Variants in PSMG2 observed in about 807,000 individuals in gnomAD.
PSMG2 encodes CD40 ligand-activated specific transcript 3.
A neutral mutation model predicts 31.5 loss-of-function variants in PSMG2; 21 were observed. That is an observed-to-expected ratio of 0.67 (90% CI 0.47 to 0.96). PSMG2 has a LOEUF of 0.96. Ranked by LOEUF, PSMG2 falls within the 40% of genes least tolerant of loss-of-function variation. PSMG2 has a pLI of 0.00. For missense variants in PSMG2, 318 were observed against 321.2 expected (o/e 0.99, Z 0.08); for synonymous variants, 120 against 110.4 (o/e 1.09, Z -0.54).
At chr18:12,686,529 G>T in intron 1 of PSMG2, 2 of 1,058,676 alleles carry the variant, frequency 1.9e-6, no homozygotes, top group Non-Finnish European at 1.4e-6. Flanking sequence ...ATTAATGTAG[G>T]ATAAAATAAT....
intron 1 of PSMG2, chr18:12,691,304 C>T (rs1472477258): frequency 3.6e-6 from 4 of 1,113,434 alleles, no homozygotes; most frequent in African/African-American, 1.6e-5. Flanking sequence ...AATTTACACA[C>T]ATAACAGTAA....
chr18:12,699,486 G>C (rs959915199), upstream of PSMG2, among the ~76,000 whole-genome samples: 2 of 152,100 alleles, frequency 1.3e-5, no homozygotes, highest in Admixed American at 6.6e-5. Context: ...CTTTTTAACT[G>C]CTTATCCAAC....
In PSMG2 at chr18:12,693,059, A is replaced by T. The variant is rs187889279; in HGVS notation, c.-36-13491A>T. 5.9e-5 allele frequency among the ~76,000 whole-genome samples: 9 copies of T among 152,268 alleles called. No homozygotes were observed. The East Asian group carries it at 1.7e-3, about 29-fold the overall frequency. ...GGCTGGTCTTGAACTCCTGGCCTGA[A>T]GTGATCCTCTTACCTTGGCCTCCCA... On this transcript the variant is annotated intron_variant, in intron 1 of 6. Coordinates refer to the PSMG2 transcript ENST00000585331.
At chr18:12,686,317 C>A in intron 1 of PSMG2, 1 of 1,614,132 alleles carries the variant, frequency 6.2e-7, no homozygotes. Context: ...TTTACCTCCT[C>A]CTCCAATAAC....
chr18:12,664,108 TGAG>T (rs2038755601), intron 1 of PSMG2, among the ~76,000 whole-genome samples: 3 of 151,664 alleles, frequency 2.0e-5, no homozygotes, highest in Admixed American at 1.3e-4. Context: ...GTGGTTGCGG[TGAG>T]CCGAGATCGT....
intron 1 of PSMG2, 23 bp from the exon 2 acceptor site, chr18:12,706,527 G>A: frequency 6.2e-7 from 1 of 1,611,778 alleles, no homozygotes; most frequent in African/African-American, 1.3e-5. Flanking sequence ...GTGACTTACT[G>A]AACATATCTT....
At chr18:12,697,302 T>C (rs1019407770) in intron 1 of PSMG2, 10 of 1,613,932 alleles carry the variant, frequency 6.2e-6, no homozygotes, top group Non-Finnish European at 6.8e-6. Flanking sequence ...GAAAATATGA[T>C]GCTACTAAAG....
chr18:12,673,429 G>A (rs1046871), intron 1 of PSMG2: 1 of 1,604,698 alleles, frequency 6.2e-7, no homozygotes, highest in African/African-American at 1.3e-5. Context: ...TTCAGGGTAA[G>A]TAAATACTCG....
At chr18:12,697,500 C>G in intron 1 of PSMG2, 1 of 885,910 alleles carries the variant, frequency 1.1e-6, no homozygotes, top group Non-Finnish European at 1.6e-6. Flanking sequence ...AAATAATAAG[C>G]TTATATAAAA....
At chr18:12,702,533 C>G, upstream of PSMG2, 1 of 1,608,084 alleles carries the variant, frequency 6.2e-7, no homozygotes, top group East Asian at 2.2e-5. Flanking sequence ...GAGGCTTTCT[C>G]CGGAGGCAGC....
intron 2 of PSMG2, among the ~76,000 whole-genome samples, chr18:12,707,460 C>T (rs184107296): frequency 6.6e-6 from 1 of 152,100 alleles, no homozygotes; most frequent in Non-Finnish European, 1.5e-5. Flanking sequence ...TCCTCGTAGT[C>T]ATCTTCTTCC....
At chr18:12,680,052 C>CAA (rs560841557) in intron 1 of PSMG2, among the ~76,000 whole-genome samples, 10 of 87,416 alleles carry the variant, frequency 1.1e-4, no homozygotes, top group East Asian at 3.4e-4. Flanking sequence ...TGAGACACTG[C>CAA]AAAAAAAAAA....
chr18:12,684,972 T>G (rs1318301833), intron 1 of PSMG2: 1 of 152,138 alleles, frequency 6.6e-6, no homozygotes, highest in African/African-American at 2.4e-5. Flanking sequence ...TTTTTCTATT[T>G]TAATATTTTT....
At chr18:12,698,680 C>T, upstream of PSMG2, 1 of 263,496 alleles carries the variant, frequency 3.8e-6, no homozygotes, top group Non-Finnish European at 7.2e-6. Flanking sequence ...TCTCATTTTC[C>T]ACTATATCAT....
At chr18:12,660,860 A>C (rs1330154510) in intron 1 of PSMG2, among the ~76,000 whole-genome samples, 1 of 152,210 alleles carries the variant, frequency 6.6e-6, no homozygotes, top group African/African-American at 2.4e-5. Context: ...CAAGTAGAAT[A>C]TTGTGTGATG....
At chr18:12,689,532 T>C (rs558576916) in intron 1 of PSMG2, among the ~76,000 whole-genome samples, 1 of 152,290 alleles carries the variant, frequency 6.6e-6, no homozygotes, top group African/African-American at 2.4e-5. Context: ...TAAATTACGT[T>C]CTATGGTTCA....
At chr18:12,687,763 C>T (rs1042871729) in intron 1 of PSMG2, among the ~76,000 whole-genome samples, 2 of 151,140 alleles carry the variant, frequency 1.3e-5, no homozygotes, top group East Asian at 2.0e-4. Flanking sequence ...TAGAGGGCAC[C>T]GATTTTTAAA....
intron 1 of PSMG2, chr18:12,662,307 A>G (rs966453199): frequency 8.2e-6 from 3 of 365,868 alleles, no homozygotes; most frequent in African/African-American, 2.1e-5. Context: ...CTCTTCAGTT[A>G]TACAACTTGA....
intron 3 of PSMG2, among the ~76,000 whole-genome samples, chr18:12,714,588 G>A (rs1208063368): frequency 6.6e-6 from 1 of 151,304 alleles, no homozygotes; most frequent in African/African-American, 2.4e-5. Context: ...CTGCCTCCCA[G>A]GCTCAAGCCA....
Sources: allele counts gnomAD v4.1 joint callset (sites outside exome capture counted in the v4.1 genomes callset), GRCh38; gene constraint gnomAD v4.1.1; transcripts MANE v1.5; gene names NCBI Gene and HGNC (gene_info 2026-07-23, HGNC 2026-07-21).